L1CAM: variants seen among roughly 807,000 people sequenced by gnomAD.
The protein encoded by L1CAM is L1 cell adhesion molecule.
A neutral mutation model predicts 93.0 loss-of-function variants in L1CAM; 8 were observed. The observed-to-expected ratio is 0.09, with a 90% CI of 0.05 to 0.16. The LOEUF (loss-of-function observed/expected upper bound fraction) is 0.16. Among genes scored for constraint, L1CAM ranks in the 10% least tolerant of loss-of-function variants. The pLI, the probability that L1CAM is intolerant of heterozygous loss-of-function variation, is 1.00. For missense variants in L1CAM, 777 were observed against 1,073.4 expected, an observed-to-expected ratio of 0.72 and a Z score of 3.86; for synonymous variants, 453 against 453.0, an observed-to-expected ratio of 1.00 and a Z score of 0.00.
chrX:153,862,961 T>A, intron 28 of L1CAM, 67 bp from the exon 29 acceptor site: 1 of 887,071 alleles, frequency 1.1e-6, no homozygotes, highest in Non-Finnish European at 1.6e-6. Context: ...TGGCTGGGGG[T>A]GAGGCAGACG....
rs2064695033 is a variant in L1CAM at position 153,864,655 on chromosome X, A to G, written c.3096T>C (p.Ser1032=). Reference sequence around the variant, plus strand: ...CCTCCTTGGGGACCCAGGAGACGACACTGTAGTTTTCACCCGCTGTGGCTG... The same window carrying G: ...CCTCCTTGGGGACCCAGGAGACGACGCTGTAGTTTTCACCCGCTGTGGCTG... The part of the protein sequence containing the change: ...NISATAGENY[S]VVSWVPKEGQ... The change falls in exon 24 of 29, where the codon AGT becomes AGC. Residue 1032 remains serine, a synonymous_variant. Coordinates refer to ENST00000370060, the MANE Select transcript of L1CAM (RefSeq NM_001278116.2). 1 of 1,210,949 alleles carries G rather than the reference A, an allele frequency of 8.3e-7. No individual in the cohort carries two copies. Among genetic ancestry groups the G allele is most frequent in the Non-Finnish European group, 1.1e-6 (1 of 894,985 alleles).
chrX:153,869,714 G>T (rs782590848), intron 10 of L1CAM, 51 bp from the exon 11 acceptor site: 59 of 1,200,108 alleles, frequency 4.9e-5, no homozygotes, highest in Non-Finnish European at 6.4e-5. Flanking sequence ...ATTGAGCTGC[G>T]TTGAGGCCCT....
chrX:153,866,914 C>G (rs782217612), intron 18 of L1CAM, 43 bp from the exon 19 acceptor site: 6 of 1,158,601 alleles, frequency 5.2e-6, no homozygotes, highest in East Asian at 6.0e-5. Flanking sequence ...GCCAAGAACA[C>G]CAGCATTCTT....
intron 7 of L1CAM, 129 bp downstream of exon 7, chrX:153,870,661 G>A: frequency 2.4e-6 from 2 of 831,966 alleles, no homozygotes; most frequent in Non-Finnish European, 3.6e-6. Context: ...AAGGGGTCTG[G>A]GCAGGGTAGA....
chrX:153,862,286 G>T lies in L1CAM; in HGVS notation c.*377C>A. 5.5e-6 allele frequency: 1 copy of T among 182,915 alleles called. No individual in the cohort carries two copies. 15.1% of individuals were successfully genotyped at this position (182,915 alleles called of 1,213,427 possible). A position where few individuals can be genotyped will look rare whatever the true frequency, so the allele number is the denominator to read the frequency against. The stretch of plus-strand genomic sequence containing the variant: ...GGAGTGGCTGGGGGAGGGGGAAGGT[G>T]CCAACCCTGGTCCTGAGGAGACCCC... On this transcript the variant is annotated 3_prime_UTR_variant, in exon 29 of 29. Coordinates refer to ENST00000370060, the MANE Select transcript of L1CAM (RefSeq NM_001278116.2).
At chrX:153,885,469 A>C in intron 1 of L1CAM, 1 of 924,962 alleles carries the variant, frequency 1.1e-6, no homozygotes, top group Non-Finnish European at 1.4e-6. Flanking sequence ...TGGGATTTGG[A>C]AAGAAGAAGG....
At chrX:153,880,520 A>G (rs922831768) in intron 1 of L1CAM, among the ~76,000 whole-genome samples, 2 of 112,013 alleles carry the variant, frequency 1.8e-5, no homozygotes, top group Non-Finnish European at 3.8e-5. Context: ...TGAAAGGGTC[A>G]GAGTGTGGTG....
chrX:153,864,188 G>T (rs1163246949), intron 25 of L1CAM, 134 bp downstream of exon 25: 34 of 1,005,425 alleles, frequency 3.4e-5, no homozygotes, highest in Non-Finnish European at 4.6e-5. Flanking sequence ...GGGACACCCA[G>T]ATTCTGGGAG....
Position 153,862,799 on chromosome X carries a change from C to T in L1CAM, c.3638G>A (p.Gly1213Asp). 2 of 1,211,767 alleles carry T rather than the reference C, an allele frequency of 1.7e-6. No homozygotes were observed. The highest frequency in any genetic ancestry group is 2.2e-5 in the Admixed American group (1 of 46,117). Reference protein sequence around the residue: ...GSDDSLADYGGSVDVQFNEDG... With the variant: ...GSDDSLADYGDSVDVQFNEDG... ...CTCGTTGAACTGAACATCCACGCTG[C>T]CCCCATAATCGGCCAGGCTGTCGTC... The change falls in exon 29 of 29, where the codon GGC becomes GAC. Residue 1213 changes from glycine to aspartate, a missense_variant. Transcript: ENST00000370060.
At position 153,865,099 on chromosome X, in the gene L1CAM, G is replaced by A. The variant is rs1272516852; in HGVS notation, c.2861C>T (p.Ser954Phe). Residue 954 changes from serine to phenylalanine, a missense_variant, in exon 22 of 29, where the codon TCC (serine) becomes TTC (phenylalanine). Around this residue, in one of 5 missense-constraint regions of L1CAM, gnomAD observed 71 missense variants for 77.4 expected, o/e 0.92. Transcript: ENST00000370060. ...GGCGGCGCACGCACGGGGGTGGTAG[G>A]AGAGCACGTAGCCGGTGAGCACGCC... ...HNGVLTGYVL[S>F]YHPLDEGGKG... 2.5e-6 allele frequency: 3 copies of A among 1,209,960 alleles called. No individual in the cohort carries two copies. The highest frequency in any genetic ancestry group is 3.4e-6 in the Non-Finnish European group (3 of 895,216).
intron 3 of L1CAM, 129 bp downstream of exon 3, chrX:153,873,099 C>T: frequency 1.5e-6 from 1 of 652,953 alleles, no homozygotes; most frequent in Non-Finnish European, 2.6e-6. Context: ...GTGAGAGAAG[C>T]ACATGGTGCT....
intron 19 of L1CAM, 24 bp downstream of exon 19, chrX:153,866,625 C>T (rs1557090932): frequency 1.7e-6 from 2 of 1,160,967 alleles, no homozygotes; most frequent in South Asian, 1.8e-5. Context: ...CAACCGTGGG[C>T]GAGGGGCCCT....
chrX:153,865,272 G>T lies in L1CAM; in HGVS notation c.2749+27C>A, dbSNP rs781892656. The T allele has an allele frequency of 1.7e-5, 21 of 1,209,817 alleles. No individual in the cohort carries two copies. In the South Asian group the frequency reaches 3.5e-4, roughly 20 times the overall value. On this transcript the variant is annotated intron_variant, in intron 21 of 28. Transcript: ENST00000370060. ...GCCCAGGTCTGGGGAGGAGGGCAGGGGATGAGGCGTGGGGTGCAGGACTCA... is the reference window on the plus strand; with the variant it reads ...GCCCAGGTCTGGGGAGGAGGGCAGGTGATGAGGCGTGGGGTGCAGGACTCA...
chrX:153,872,411 A>T, intron 4 of L1CAM, 57 bp from the exon 5 acceptor site: 1 of 1,128,503 alleles, frequency 8.9e-7, no homozygotes, highest in Non-Finnish European at 1.2e-6. Context: ...GGGGGCTGGA[A>T]CAGGCTGGAG....
At position 153,863,688 on chromosome X, in the gene L1CAM, C is replaced by A. The variant is rs56328570; in HGVS notation, c.3458-139G>T. On this transcript the variant is annotated intron_variant, in intron 26 of 28. Coordinates refer to ENST00000370060, the MANE Select transcript of L1CAM (RefSeq NM_001278116.2). ...AGGCCTTGAAAGAAACCGCTCACCC[C>A]CTGCGGTCCAGCCACCACTTGCCTG... The A allele has an allele frequency of 1.7e-5, 14 of 817,120 alleles. No homozygotes were observed. The Middle Eastern group carries it at 1.2e-3, about 69-fold the overall frequency. 67.3% of individuals were successfully genotyped at this position (817,120 alleles called of 1,213,427 possible). A position where few individuals can be genotyped will look rare whatever the true frequency, so the allele number is the denominator to read the frequency against.
intron 1 of L1CAM, among the ~76,000 whole-genome samples, chrX:153,878,144 C>T (rs1250188545): frequency 1.8e-5 from 2 of 112,569 alleles, no homozygotes; most frequent in Non-Finnish European, 3.8e-5. Flanking sequence ...GACTAGACGC[C>T]TTCATTAAAT....
At chrX:153,878,385 G>C (rs1359519057) in intron 1 of L1CAM, among the ~76,000 whole-genome samples, 1 of 113,183 alleles carries the variant, frequency 8.8e-6, no homozygotes, top group Non-Finnish European at 1.9e-5. Context: ...CAGCAGGGTG[G>C]GTCAGCGTGC....
chrX:153,883,277 G>A (rs1348913843), intron 1 of L1CAM, among the ~76,000 whole-genome samples: 14 of 111,158 alleles, frequency 1.3e-4, no homozygotes, highest in African/African-American at 4.3e-4. Flanking sequence ...CGGGAAGGGG[G>A]AAGAGGGAAG....
intron 1 of L1CAM, among the ~76,000 whole-genome samples, chrX:153,885,198 G>A (rs1557096654): frequency 8.8e-6 from 1 of 113,246 alleles, no homozygotes; most frequent in Non-Finnish European, 1.9e-5. Context: ...GGAAGATGTG[G>A]CAGTGGGCAA....
Sources: gnomAD v4.1 joint callset for allele counts (sites outside exome capture counted in the v4.1 genomes callset) on GRCh38, gnomAD v4.1.1 for gene constraint, gnomAD v4.1.1 regional missense constraint, MANE v1.5 for transcripts, NCBI Gene and HGNC (gene_info 2026-07-23, HGNC 2026-07-21) for gene names.